Variants in AAMDC observed in about 807,000 individuals in gnomAD.
AAMDC encodes mth938 domain-containing protein.
A neutral mutation model predicts 15.5 loss-of-function variants in AAMDC; 16 were observed. That is an observed-to-expected ratio of 1.03 (90% CI 0.70 to 1.57). The LOEUF (loss-of-function observed/expected upper bound fraction) is 1.57. Among genes scored for constraint, AAMDC ranks in the 40% most tolerant of loss-of-function variants. The pLI, the probability that AAMDC is intolerant of heterozygous loss-of-function variation, is 0.00. For synonymous variants in AAMDC, 51 were observed against 51.6 expected (o/e 0.99, Z 0.05); for missense variants, 141 against 144.9 (o/e 0.97, Z 0.14).
chr11:77,879,236 T>G, intron 5 of AAMDC: 1 of 1,199,390 alleles, frequency 8.3e-7, no homozygotes, highest in Non-Finnish European at 1.2e-6. Context: ...AGAAATTTCT[T>G]CATCCGTCTA....
At chr11:77,884,360 A>G (rs1472087027) in intron 5 of AAMDC, among the ~76,000 whole-genome samples, 14 of 152,200 alleles carry the variant, frequency 9.2e-5, no homozygotes, top group Non-Finnish European at 2.1e-4. Context: ...TCTTTCCACT[A>G]CATTGCAAGC....
intron 1 of AAMDC, among the ~76,000 whole-genome samples, chr11:77,838,845 T>A (rs113324842): frequency 3.0e-4 from 45 of 152,030 alleles, no homozygotes; most frequent in Admixed American, 2.9e-3. Context: ...CTCAATCTCC[T>A]GACCTCGTGA....
At chr11:77,891,475 G>C (rs753368295) in intron 5 of AAMDC, 1 of 1,613,340 alleles carries the variant, frequency 6.2e-7, no homozygotes, top group Non-Finnish European at 8.5e-7. Context: ...GTAAGCAAGA[G>C]GAAAATCCTA....
intron 1 of AAMDC, among the ~76,000 whole-genome samples, chr11:77,828,002 A>G (rs771868623): frequency 3.9e-5 from 6 of 152,308 alleles, no homozygotes; most frequent in East Asian, 1.9e-4. Context: ...GACCAGGCAC[A>G]GTGGCTCCTG....
downstream of AAMDC, among the ~76,000 whole-genome samples, chr11:77,873,674 T>C (rs925168658): frequency 2.0e-5 from 3 of 152,210 alleles, no homozygotes; most frequent in Admixed American, 6.5e-5. Flanking sequence ...TTATAATAGT[T>C]ACTAGGTCCA....
At chr11:77,832,991 G>GTA (rs1949512009) in intron 1 of AAMDC, among the ~76,000 whole-genome samples, 1 of 32,866 alleles carries the variant, frequency 3.0e-5, no homozygotes, top group Non-Finnish European at 5.4e-5. Context: ...GTGTGTGTGT[G>GTA]TGTGTGTATA....
intron 1 of AAMDC, among the ~76,000 whole-genome samples, chr11:77,827,207 A>C (rs1332428992): frequency 6.6e-6 from 1 of 152,206 alleles, no homozygotes; most frequent in Admixed American, 6.5e-5. Flanking sequence ...GGTCAGTTCT[A>C]CCAAAAGTTG....
intron 2 of AAMDC, among the ~76,000 whole-genome samples, chr11:77,852,866 A>G (rs923042145): frequency 6.6e-6 from 1 of 152,020 alleles, no homozygotes; most frequent in African/African-American, 2.4e-5. Flanking sequence ...GTTCATAGAG[A>G]TATGTCTTTT....
At position 77,846,296 on chromosome 11, in the gene AAMDC, T is replaced by C. The variant is rs182995242; in HGVS notation, c.132+3668T>C. ...TTATTATTCATTTTTGTAATTTAGA[T>C]CTTTTGAGGTCAATTTCTTCTTTTA... On this transcript the variant is annotated intron_variant, in intron 2 of 3. Transcript: ENST00000393427. 5.2e-4 allele frequency among the ~76,000 whole-genome samples: 79 copies of C among 152,300 alleles called. 1 individual carries two copies. In the Middle Eastern group the frequency reaches 0.017, roughly 33 times the overall value.
At chr11:77,878,927 G>A (rs199525892) in intron 5 of AAMDC, 34 of 1,602,512 alleles carry the variant, frequency 2.1e-5, no homozygotes, top group East Asian at 1.1e-4. Context: ...TCTAGGCCAC[G>A]GTTGGGAAGA....
intron 5 of AAMDC, among the ~76,000 whole-genome samples, chr11:77,885,706 C>T (rs1951976173): frequency 6.6e-6 from 1 of 151,842 alleles, no homozygotes; most frequent in Non-Finnish European, 1.5e-5. Context: ...GTAGTCCCAG[C>T]TACTTGGGAG....
downstream of AAMDC, chr11:77,876,848 C>A (rs1951609053): frequency 4.8e-6 from 3 of 620,248 alleles, no homozygotes; most frequent in Admixed American, 2.6e-5. Flanking sequence ...AAAAGGGGTA[C>A]TTATCTGAAA....
intron 5 of AAMDC, among the ~76,000 whole-genome samples, chr11:77,897,236 G>C (rs1952564145): frequency 6.6e-6 from 1 of 151,860 alleles, no homozygotes; most frequent in Admixed American, 6.6e-5. Flanking sequence ...GCTCACGTCT[G>C]TAATCCTAGC....
Position 77,891,521 on chromosome 11 carries a change from C to T in AAMDC, c.329-9050C>T, listed in dbSNP as rs570852803. On this transcript the variant is annotated intron_variant, in intron 5 of 5. Transcript: ENST00000304716. ...GCCAGGTCATTCCTGGATGAGAAAA[C>T]GCATCTTTTTTCTGTCTCCTTATCT... 5.8e-4 allele frequency: 921 copies of T among 1,599,522 alleles called. 13 individuals are homozygous for T. The South Asian group carries it at 9.0e-3, about 16-fold the overall frequency.
At chr11:77,840,039 C>G (rs1017963393) in intron 1 of AAMDC, among the ~76,000 whole-genome samples, 3 of 151,668 alleles carry the variant, frequency 2.0e-5, no homozygotes, top group African/African-American at 7.3e-5. Flanking sequence ...AAATAAAGAC[C>G]AGGGTTGATA....
intron 2 of AAMDC, among the ~76,000 whole-genome samples, chr11:77,853,296 A>C (rs1042959175): frequency 6.6e-6 from 1 of 152,224 alleles, no homozygotes; most frequent in Non-Finnish European, 1.5e-5. Flanking sequence ...AAGAGGTTTC[A>C]TTGGCTCAGG....
intron 5 of AAMDC, chr11:77,891,831 G>A (rs754029951): frequency 1.2e-5 from 20 of 1,611,242 alleles, no homozygotes; most frequent in Admixed American, 3.3e-5. Context: ...GCAAATCAGC[G>A]ATGAAATACC....
At chr11:77,878,335 C>CTGAGCG (rs1184901999) in intron 5 of AAMDC, among the ~76,000 whole-genome samples, 1 of 151,160 alleles carries the variant, frequency 6.6e-6, no homozygotes, top group Non-Finnish European at 1.5e-5. Context: ...GCACTCCAGC[C>CTGAGCG]TGAGCGACAC....
intron 5 of AAMDC, among the ~76,000 whole-genome samples, chr11:77,897,784 C>T (rs1379382673): frequency 6.6e-6 from 1 of 151,872 alleles, no homozygotes; most frequent in Admixed American, 6.6e-5. Context: ...GGGTTACAGG[C>T]GTTAGCCACC....
Sources: gnomAD v4.1 joint callset for allele counts (sites outside exome capture counted in the v4.1 genomes callset) on GRCh38, gnomAD v4.1.1 for gene constraint, MANE v1.5 for transcripts, NCBI Gene and HGNC (gene_info 2026-07-23, HGNC 2026-07-21) for gene names.